RASGRF2: variants seen among roughly 807,000 people sequenced by gnomAD.
RASGRF2 encodes ras-specific guanine nucleotide-releasing factor 2.
Under a neutral mutation model 151.0 loss-of-function variants are expected in RASGRF2, and 76 were observed. That is an observed-to-expected ratio of 0.50 (90% confidence interval 0.42 to 0.61). RASGRF2 has a LOEUF of 0.61. Among genes scored for constraint, RASGRF2 ranks in the 20% least tolerant of loss-of-function variants. RASGRF2 has a pLI of 0.00. For missense variants in RASGRF2, 1,148 were observed against 1,564.6 expected, an observed-to-expected ratio of 0.73 and a Z score of 4.49; for synonymous variants, 504 against 566.5, an observed-to-expected ratio of 0.89 and a Z score of 1.57.
At chr5:81,125,719 T>G (rs1016042936) in intron 16 of RASGRF2, among the ~76,000 whole-genome samples, 1 of 152,272 alleles carries the variant, frequency 6.6e-6, no homozygotes, top group African/African-American at 2.4e-5. Flanking sequence ...CATATGTTTA[T>G]ATTCACATAT....
intron 26 of RASGRF2, 111 bp downstream of exon 26, chr5:81,219,889 G>C: frequency 1.3e-5 from 7 of 553,264 alleles, no homozygotes; most frequent in East Asian, 4.1e-5. Context: ...TCATAGAAAA[G>C]ACCAGTAAAA....
intron 1 of RASGRF2, among the ~76,000 whole-genome samples, chr5:80,993,119 G>C (rs760702974): frequency 6.6e-6 from 1 of 152,108 alleles, no homozygotes; most frequent in Non-Finnish European, 1.5e-5. Flanking sequence ...GAGGTTGATG[G>C]CATAATGTCT....
At chr5:81,208,096 T>C (rs1191840897) in intron 21 of RASGRF2, among the ~76,000 whole-genome samples, 2 of 152,226 alleles carry the variant, frequency 1.3e-5, no homozygotes, top group African/African-American at 2.4e-5. Flanking sequence ...GAAGGCTTTA[T>C]AGGATCCTAA....
intron 10 of RASGRF2, 72 bp from the exon 11 acceptor site, chr5:81,094,224 T>G (rs1436056419): frequency 8.2e-7 from 1 of 1,216,862 alleles, no homozygotes; most frequent in Non-Finnish European, 1.2e-6. Context: ...TTGAATATAG[T>G]GTTTACAAAT....
intron 2 of RASGRF2, among the ~76,000 whole-genome samples, chr5:81,045,991 A>G (rs1043057684): frequency 2.6e-5 from 4 of 152,232 alleles, no homozygotes; most frequent in Non-Finnish European, 5.9e-5. Context: ...CACCCTCGAA[A>G]GACAGTCTGA....
chr5:81,199,302 T>G (rs1177997572), intron 18 of RASGRF2, among the ~76,000 whole-genome samples: 4 of 152,230 alleles, frequency 2.6e-5, no homozygotes, highest in Admixed American at 2.6e-4. Context: ...TACAGGCCAA[T>G]GCTTCTTCAA....
At chr5:81,201,605 G>T (rs1197169125) in intron 19 of RASGRF2, among the ~76,000 whole-genome samples, 163 bp downstream of exon 19, 1 of 152,196 alleles carries the variant, frequency 6.6e-6, no homozygotes, top group East Asian at 1.9e-4. Context: ...GCAATTTGGG[G>T]TCTGCTGTCT....
At chr5:81,032,225 G>A (rs1580229007) in intron 1 of RASGRF2, among the ~76,000 whole-genome samples, 1 of 152,194 alleles carries the variant, frequency 6.6e-6, no homozygotes, top group Admixed American at 6.5e-5. Context: ...GAGGTACAAA[G>A]AGGAGATGGT....
intron 1 of RASGRF2, among the ~76,000 whole-genome samples, chr5:80,963,564 G>C (rs1747630710): frequency 1.3e-5 from 2 of 152,116 alleles, no homozygotes; most frequent in Admixed American, 1.3e-4. Flanking sequence ...TGACAGACAG[G>C]GTGAGCTTTT....
At chr5:81,131,235 G>T (rs1287663210) in intron 17 of RASGRF2, among the ~76,000 whole-genome samples, 1 of 152,120 alleles carries the variant, frequency 6.6e-6, no homozygotes, top group African/African-American at 2.4e-5. Flanking sequence ...GACCCCGGGG[G>T]CAAGGAAAAC....
chr5:81,090,086 C>T (rs1752345864), intron 9 of RASGRF2, among the ~76,000 whole-genome samples: 1 of 152,150 alleles, frequency 6.6e-6, no homozygotes, highest in Non-Finnish European at 1.5e-5. Context: ...AAGACATGGA[C>T]CTTTCTGGTA....
At chr5:81,225,064 A>G (rs1230331524) in intron 26 of RASGRF2, among the ~76,000 whole-genome samples, 2 of 152,226 alleles carry the variant, frequency 1.3e-5, no homozygotes, top group Non-Finnish European at 2.9e-5. Context: ...ATGCCCCAAC[A>G]TATTCATTTC....
intron 1 of RASGRF2, among the ~76,000 whole-genome samples, chr5:80,995,437 A>AG (rs1748815109): frequency 6.6e-6 from 1 of 151,228 alleles, no homozygotes; most frequent in Non-Finnish European, 1.5e-5. Context: ...CACATATATG[A>AG]GATACATGAT....
rs1389289624 is a variant in RASGRF2, at chr5:81,042,859, G to T, written c.289-18G>T. 6.4e-7 allele frequency: 1 copy of T among 1,563,068 alleles called. No homozygotes were observed. Among genetic ancestry groups the T allele is most frequent in the Non-Finnish European group, 8.7e-7 (1 of 1,143,422 alleles). ...TGAAAAATAGAACTAAGTTTTTTGT[G>T]TTTCTTTTTCTTTCCAGTATTACTT... On this transcript the variant is annotated intron_variant, in intron 1 of 26. Coordinates refer to ENST00000265080, the MANE Select transcript of RASGRF2 (RefSeq NM_006909.3).
chr5:81,004,383 G>A (rs1749195442), intron 1 of RASGRF2, among the ~76,000 whole-genome samples: 1 of 152,306 alleles, frequency 6.6e-6, no homozygotes, highest in Non-Finnish European at 1.5e-5. Context: ...TTGTATCTGG[G>A]CAGTGGCTGA....
intron 23 of RASGRF2, among the ~76,000 whole-genome samples, chr5:81,215,212 G>A (rs879662591): frequency 3.3e-5 from 5 of 151,146 alleles, no homozygotes; most frequent in African/African-American, 1.2e-4. Flanking sequence ...GGTGGCATGC[G>A]CCTGTAAATT....
chr5:81,092,371 T>G (rs1015975356), intron 9 of RASGRF2, among the ~76,000 whole-genome samples: 3 of 152,124 alleles, frequency 2.0e-5, no homozygotes, highest in Non-Finnish European at 4.4e-5. Context: ...ATGCTATTTA[T>G]CTACATTCTG....
At chr5:81,010,223 G>A (rs1749412686) in intron 1 of RASGRF2, among the ~76,000 whole-genome samples, 1 of 151,756 alleles carries the variant, frequency 6.6e-6, no homozygotes, top group East Asian at 1.9e-4. Context: ...GTTGTCTTTG[G>A]ATGATGGTAG....
In RASGRF2 at chr5:81,227,235, C is replaced by T. The variant is rs1756019046; in HGVS notation, c.*1465C>T. ...CTAGAGCTAACAGACTAATAAATTC[C>T]ACCTGCTGGCTCTTAAGACTCAGTG... is the stretch of plus-strand genomic sequence containing the variant. On this transcript the variant is annotated 3_prime_UTR_variant, in exon 27 of 27. Transcript: ENST00000265080. 1 of 152,192 alleles carries T rather than the reference C, an allele frequency of 6.6e-6. No individual in the cohort carries two copies. The highest frequency in any genetic ancestry group is 6.5e-5 in the Admixed American group (1 of 15,282). The allele number at this position is 152,192 out of a possible 1,614,324, so 9.4% of individuals were successfully genotyped here. A position where few individuals can be genotyped will look rare whatever the true frequency, so the allele number is the denominator to read the frequency against.
Sources: allele counts gnomAD v4.1 joint callset (sites outside exome capture counted in the v4.1 genomes callset), GRCh38; gene constraint gnomAD v4.1.1; transcripts MANE v1.5; gene names NCBI Gene and HGNC (gene_info 2026-07-23, HGNC 2026-07-21).